The following CCDC149 variants were observed in gnomAD, a reference collection of about 807,000 sequenced individuals.
CCDC149 encodes coiled-coil domain-containing protein 149.
CCDC149 carries 45 observed loss-of-function variants against 59.9 expected under a neutral mutation model. That is an observed-to-expected ratio of 0.75 (90% CI 0.59 to 0.96). The LOEUF (loss-of-function observed/expected upper bound fraction) is 0.96. Ranked by LOEUF, CCDC149 falls within the 40% of genes least tolerant of loss-of-function variation. The pLI is 0.00. For synonymous variants in CCDC149, 245 were observed against 260.6 expected (o/e 0.94, Z 0.58); for missense variants, 584 against 664.7 (o/e 0.88, Z 1.33).
At chr4:24,975,495 G>T (rs961561579) in intron 1 of CCDC149, among the ~76,000 whole-genome samples, 1 of 140,792 alleles carries the variant, frequency 7.1e-6, no homozygotes, top group Non-Finnish European at 1.5e-5. Flanking sequence ...GAGGAGAGGG[G>T]ACAGGAGAGG....
chr4:24,941,697 A>C (rs996911821), intron 1 of CCDC149, among the ~76,000 whole-genome samples: 3 of 152,206 alleles, frequency 2.0e-5, no homozygotes, highest in African/African-American at 7.2e-5. Context: ...AGACGCAATA[A>C]AAAATGACAA....
chr4:24,835,915 G>C (rs1249609283), intron 7 of CCDC149, among the ~76,000 whole-genome samples: 1 of 152,110 alleles, frequency 6.6e-6, no homozygotes, highest in Non-Finnish European at 1.5e-5. Context: ...TCAAACTAAT[G>C]GTGCTGGAAT....
At chr4:24,887,203 T>C (rs1720234544) in intron 1 of CCDC149, among the ~76,000 whole-genome samples, 1 of 140,426 alleles carries the variant, frequency 7.1e-6, no homozygotes, top group South Asian at 2.4e-4. Flanking sequence ...CTATCTGACA[T>C]ACTACATTAC....
chr4:24,839,469 G>A (rs761694470), intron 4 of CCDC149, among the ~76,000 whole-genome samples: 4 of 152,182 alleles, frequency 2.6e-5, no homozygotes. Flanking sequence ...ATAAGCCACC[G>A]TGCCCGGCCT....
intron 1 of CCDC149, among the ~76,000 whole-genome samples, chr4:24,929,276 A>C (rs1357547994): frequency 6.6e-6 from 1 of 152,102 alleles, no homozygotes; most frequent in Non-Finnish European, 1.5e-5. Flanking sequence ...GCTCCCAGGG[A>C]GTGGGAATCG....
At chr4:24,893,391 C>T (rs1429172643) in intron 1 of CCDC149, among the ~76,000 whole-genome samples, 1 of 151,922 alleles carries the variant, frequency 6.6e-6, no homozygotes, top group Non-Finnish European at 1.5e-5. Context: ...AAAATTAATC[C>T]TAAATAAAAT....
chr4:24,863,020 C>A (rs922955411), intron 3 of CCDC149, among the ~76,000 whole-genome samples: 2 of 152,156 alleles, frequency 1.3e-5, no homozygotes, highest in African/African-American at 4.8e-5. Flanking sequence ...AGGCTGGGGG[C>A]AATGGCTCAG....
At chr4:24,956,538 TG>T (rs900924864) in intron 1 of CCDC149, among the ~76,000 whole-genome samples, 4 of 152,136 alleles carry the variant, frequency 2.6e-5, no homozygotes, top group African/African-American at 9.7e-5. Flanking sequence ...ATACCTTACC[TG>T]GGGCCCTCCA....
chr4:24,905,870 A>G lies in CCDC149; in HGVS notation c.63+6947T>C, dbSNP rs770950409. ...GACCAATGGGAGGTGAGCAGATGTG[A>G]TATGTACAATTCTCCACTCATCCCT... is the stretch of plus-strand genomic sequence containing the variant. On this transcript the variant is annotated intron_variant, in intron 1 of 12. Transcript: ENST00000635206. Among the ~76,000 whole-genome samples the G allele has an allele frequency of 2.2e-4, 33 of 152,286 alleles. No individual in the cohort carries two copies. The Middle Eastern group carries it at 0.01, about 47-fold the overall frequency.
At chr4:24,910,786 T>C (rs1477973156) in intron 1 of CCDC149, among the ~76,000 whole-genome samples, 1 of 152,240 alleles carries the variant, frequency 6.6e-6, no homozygotes, top group Non-Finnish European at 1.5e-5. Flanking sequence ...TGTGAGGCTC[T>C]GTGCAAGTTC....
chr4:24,872,626 A>G (rs1254330527), intron 3 of CCDC149, among the ~76,000 whole-genome samples: 1 of 151,972 alleles, frequency 6.6e-6, no homozygotes, highest in African/African-American at 2.4e-5. Context: ...AGAAAACAGT[A>G]TGACCCACTG....
chr4:24,822,628 G>T, intron 9 of CCDC149, 55 bp from the exon 10 acceptor site: 1 of 1,300,000 alleles, frequency 7.7e-7, no homozygotes, highest in Non-Finnish European at 1.1e-6. Context: ...TCAGCCCCCA[G>T]CCCTGGGAAT....
intron 1 of CCDC149, among the ~76,000 whole-genome samples, chr4:24,895,771 G>A (rs571391933): frequency 2.0e-5 from 3 of 152,274 alleles, no homozygotes; most frequent in Admixed American, 2.0e-4. Context: ...GTCACCTGGT[G>A]CACCTGTCTT....
chr4:24,969,718 C>T (rs1008593104), intron 1 of CCDC149, among the ~76,000 whole-genome samples: 7 of 152,204 alleles, frequency 4.6e-5, no homozygotes, highest in African/African-American at 1.4e-4. Context: ...TGACCTCCTT[C>T]GACCAGGTAT....
intron 1 of CCDC149, among the ~76,000 whole-genome samples, chr4:24,942,099 A>G (rs1166138844): frequency 6.6e-6 from 1 of 152,240 alleles, no homozygotes; most frequent in Non-Finnish European, 1.5e-5. Context: ...ACAAAAAAAG[A>G]GAATTTTAGA....
intron 1 of CCDC149, among the ~76,000 whole-genome samples, chr4:24,952,705 C>A (rs1179088625): frequency 1.5e-5 from 2 of 133,964 alleles, no homozygotes; most frequent in Non-Finnish European, 3.1e-5. Flanking sequence ...CCCTCTTAAC[C>A]ATTTTTAAGT....
intron 1 of CCDC149, among the ~76,000 whole-genome samples, chr4:24,922,033 T>A (rs1344287892): frequency 6.6e-6 from 1 of 152,222 alleles, no homozygotes; most frequent in African/African-American, 2.4e-5. Context: ...CTGTTCCAGA[T>A]GCTTTCGGTC....
chr4:24,907,679 T>A (rs1372629506), intron 1 of CCDC149, among the ~76,000 whole-genome samples: 1 of 152,196 alleles, frequency 6.6e-6, no homozygotes, highest in Non-Finnish European at 1.5e-5. Flanking sequence ...AGCCCTAGCA[T>A]GGAATTACTA....
chr4:24,969,738 T>C (rs1723905741), intron 1 of CCDC149, among the ~76,000 whole-genome samples: 1 of 152,142 alleles, frequency 6.6e-6, no homozygotes, highest in African/African-American at 2.4e-5. Flanking sequence ...TGGGGACGAA[T>C]GGTAACCTGC....
Sources: gnomAD v4.1 joint callset for allele counts (sites outside exome capture counted in the v4.1 genomes callset) on GRCh38, gnomAD v4.1.1 for gene constraint, MANE v1.5 for transcripts, NCBI Gene and HGNC (gene_info 2026-07-23, HGNC 2026-07-21) for gene names.